CDH4: variants seen among roughly 807,000 people sequenced by gnomAD.
CDH4 encodes the protein cadherin-4.
CDH4 carries 33 observed loss-of-function variants against 86.0 expected under a neutral mutation model. That is an observed-to-expected ratio of 0.38 (90% CI 0.29 to 0.51). The LOEUF is 0.51. Ranked by LOEUF, CDH4 falls within the 20% of genes least tolerant of loss-of-function variation. The pLI, the probability that CDH4 is intolerant of heterozygous loss-of-function variation, is 0.86. For missense variants in CDH4, 1,114 were observed against 1,307.4 expected (o/e 0.85, Z 2.28); for synonymous variants, 555 against 549.4 (o/e 1.01, Z -0.14).
At chr20:61,422,463 A>AAAAAAAAC (rs2085185201) in intron 2 of CDH4, among the ~76,000 whole-genome samples, 1 of 58,238 alleles carries the variant, frequency 1.7e-5, no homozygotes, top group African/African-American at 8.7e-5. Context: ...AAAAAAAAAA[A>AAAAAAAAC]AAAACCAAAT....
At chr20:61,482,660 C>T (rs534528127) in intron 2 of CDH4, among the ~76,000 whole-genome samples, 1 of 152,312 alleles carries the variant, frequency 6.6e-6, no homozygotes, top group South Asian at 2.1e-4. Context: ...AGCTGACTCG[C>T]CCCATGTGGT....
chr20:61,789,965 A>G (rs1038465986), intron 4 of CDH4, among the ~76,000 whole-genome samples: 7 of 152,206 alleles, frequency 4.6e-5, no homozygotes, highest in South Asian at 2.1e-4. Context: ...GACATAATTT[A>G]TTGTGTTCAG....
At chr20:61,707,859 C>T (rs781764257) in intron 2 of CDH4, among the ~76,000 whole-genome samples, 2 of 152,180 alleles carry the variant, frequency 1.3e-5, no homozygotes, top group Non-Finnish European at 2.9e-5. Flanking sequence ...GGCGGAGGAC[C>T]TGCCAGGAGG....
chr20:61,487,966 G>A (rs769549166), intron 2 of CDH4, among the ~76,000 whole-genome samples: 2 of 152,206 alleles, frequency 1.3e-5, no homozygotes, highest in Non-Finnish European at 2.9e-5. Context: ...TTCAAGCCAC[G>A]GTTGTCATGA....
At chr20:61,301,155 G>A (rs62198819) in intron 2 of CDH4, among the ~76,000 whole-genome samples, 52 of 152,378 alleles carry the variant, frequency 3.4e-4, no homozygotes, top group Admixed American at 7.2e-4. Context: ...TGGAAGGAGC[G>A]AGGCTCGGTT....
At chr20:61,656,542 G>A (rs137996082) in intron 2 of CDH4, among the ~76,000 whole-genome samples, 71 of 152,260 alleles carry the variant, frequency 4.7e-4, no homozygotes, top group African/African-American at 1.6e-3. Context: ...TGGCTGTTGT[G>A]GGGCGCAGCC....
At chr20:61,533,690 C>A (rs1240489607) in intron 2 of CDH4, among the ~76,000 whole-genome samples, 1 of 152,232 alleles carries the variant, frequency 6.6e-6, no homozygotes, top group Non-Finnish European at 1.5e-5. Context: ...TGCACAGGTG[C>A]CCCATGAGAC....
chr20:61,861,125 AC>A (rs1423125286), intron 6 of CDH4, among the ~76,000 whole-genome samples: 2 of 152,100 alleles, frequency 1.3e-5, no homozygotes, highest in African/African-American at 4.8e-5. Flanking sequence ...AGTCCCAAGA[AC>A]CGCACTGGAC....
intron 2 of CDH4, among the ~76,000 whole-genome samples, chr20:61,412,523 A>C (rs965671834): frequency 2.6e-5 from 4 of 152,182 alleles, no homozygotes; most frequent in African/African-American, 9.6e-5. Context: ...TATCCAACTC[A>C]CAATGGCTAC....
intron 3 of CDH4, among the ~76,000 whole-genome samples, chr20:61,767,179 C>T (rs2088709827): frequency 6.6e-6 from 1 of 152,178 alleles, no homozygotes; most frequent in African/African-American, 2.4e-5. Context: ...GGCTGCACCC[C>T]GCCCCCACAT....
At chr20:61,274,490 TG>T (rs922939488) in intron 2 of CDH4, among the ~76,000 whole-genome samples, 1 of 129,066 alleles carries the variant, frequency 7.7e-6, no homozygotes. Context: ...GGGAGTACCG[TG>T]TGCAGTTTGG....
At position 61,467,861 on chromosome 20, in the gene CDH4, A is replaced by G. The variant is rs536888422; in HGVS notation, c.169+212924A>G. 2.6e-5 allele frequency among the ~76,000 whole-genome samples: 4 copies of G among 152,320 alleles called. No homozygotes were observed. The South Asian group carries it at 8.3e-4, about 32-fold the overall frequency. On this transcript the variant is annotated intron_variant, in intron 2 of 15. Coordinates refer to ENST00000614565, the MANE Select transcript of CDH4 (RefSeq NM_001794.5). ...ATTCGATAATTCTCTAGGAGGACTC[A>G]CAGAGCTCACTGAAAGCTGTTATAC...
At chr20:61,511,951 A>G (rs1476248596) in intron 2 of CDH4, among the ~76,000 whole-genome samples, 2 of 152,178 alleles carry the variant, frequency 1.3e-5, no homozygotes, top group East Asian at 1.9e-4. Context: ...AATCCCCTCT[A>G]TCTGCCCCTG....
chr20:61,467,932 G>T (rs541015233), intron 2 of CDH4, among the ~76,000 whole-genome samples: 1 of 152,176 alleles, frequency 6.6e-6, no homozygotes, highest in Non-Finnish European at 1.5e-5. Flanking sequence ...GTTAGAATCC[G>T]CCGAGGGAAG....
chr20:61,272,500 G>A (rs912776551), intron 2 of CDH4, among the ~76,000 whole-genome samples: 2 of 152,134 alleles, frequency 1.3e-5, no homozygotes, highest in Non-Finnish European at 2.9e-5. Flanking sequence ...TATCAGTTTT[G>A]AAATAATATT....
intron 2 of CDH4, among the ~76,000 whole-genome samples, chr20:61,531,230 G>A (rs2085949069): frequency 6.6e-6 from 1 of 152,158 alleles, no homozygotes; most frequent in Non-Finnish European, 1.5e-5. Flanking sequence ...TCAGTACCTT[G>A]GGAGGCCGAG....
chr20:61,325,962 C>T (rs766302711), intron 2 of CDH4, among the ~76,000 whole-genome samples: 2 of 152,192 alleles, frequency 1.3e-5, no homozygotes, highest in Non-Finnish European at 1.5e-5. Context: ...TCTCGCTCTC[C>T]CTGATGGTGG....
intron 2 of CDH4, among the ~76,000 whole-genome samples, chr20:61,713,368 G>A (rs948556961): frequency 6.6e-6 from 1 of 152,214 alleles, no homozygotes; most frequent in African/African-American, 2.4e-5. Context: ...TCCCGTGCAA[G>A]CAGCCCACCT....
At chr20:61,648,316 C>T (rs1273925120) in intron 2 of CDH4, among the ~76,000 whole-genome samples, 2 of 152,186 alleles carry the variant, frequency 1.3e-5, no homozygotes, top group African/African-American at 2.4e-5. Context: ...GCACCCGCAG[C>T]TGGTGATTAT....
Sources: gnomAD v4.1 joint callset for allele counts (sites outside exome capture counted in the v4.1 genomes callset) on GRCh38, gnomAD v4.1.1 for gene constraint, MANE v1.5 for transcripts, NCBI Gene and HGNC (gene_info 2026-07-23, HGNC 2026-07-21) for gene names.